The following SPPL3 variants were observed in gnomAD, a reference collection of about 807,000 sequenced individuals.
The protein encoded by SPPL3 is signal peptide peptidase-like 3.
SPPL3 carries 5 observed loss-of-function variants against 42.4 expected under a neutral mutation model. The ratio of observed to expected loss-of-function variants is 0.12; its 90% CI spans 0.06 to 0.25. The LOEUF (loss-of-function observed/expected upper bound fraction) is 0.25. Ranked by LOEUF, SPPL3 falls within the 10% of genes least tolerant of loss-of-function variation. SPPL3 has a pLI of 1.00. For missense variants in SPPL3, 235 were observed against 489.0 expected (o/e 0.48, Z 4.90); for synonymous variants, 195 against 181.8 (o/e 1.07, Z -0.58).
chr12:120,801,895 A>G lies in SPPL3; in HGVS notation c.101+8914T>C, dbSNP rs149295166. On this transcript the variant is annotated intron_variant, in intron 2 of 10. Coordinates refer to ENST00000353487, the MANE Select transcript of SPPL3 (RefSeq NM_139015.5). ...TCAACTTTAAATTGGGTGTAAGTAT[A>G]AATTCCAGTTTGGTGTTTTGGTCAC... Among the ~76,000 whole-genome samples, 759 of 152,322 alleles carry G rather than the reference A, an allele frequency of 5.0e-3. 7 individuals are homozygous for G. The highest frequency in any genetic ancestry group is 0.017 in the African/African-American group (708 of 41,578).
chr12:120,819,518 T>G (rs972140948), intron 1 of SPPL3, among the ~76,000 whole-genome samples: 5 of 152,206 alleles, frequency 3.3e-5, no homozygotes, highest in African/African-American at 1.2e-4. Flanking sequence ...TCCCTTTAAG[T>G]GACAGGCTCA....
At chr12:120,766,231 T>C in intron 10 of SPPL3, 32 bp downstream of exon 10, 1 of 1,525,850 alleles carries the variant, frequency 6.6e-7, no homozygotes, top group Non-Finnish European at 8.9e-7. Context: ...TCCAAGTTAT[T>C]GCTTTCACAG....
chr12:120,807,872 C>T (rs941539105), intron 2 of SPPL3, among the ~76,000 whole-genome samples: 3 of 151,930 alleles, frequency 2.0e-5, no homozygotes, highest in Admixed American at 2.0e-4. Flanking sequence ...GAAAAAACAC[C>T]AACTTATTCA....
intron 1 of SPPL3, chr12:120,845,328 C>T (rs563917059): frequency 2.8e-6 from 1 of 351,978 alleles, no homozygotes; most frequent in South Asian, 2.8e-5. Context: ...CGGCCAGCAT[C>T]CTCATGAACT....
intron 2 of SPPL3, among the ~76,000 whole-genome samples, chr12:120,808,240 G>A (rs1219860033): frequency 6.6e-6 from 1 of 151,940 alleles, no homozygotes; most frequent in Non-Finnish European, 1.5e-5. Context: ...GCCATGCCCA[G>A]CTAATTTTTG....
At chr12:120,862,483 CTT>C (rs964481419) in intron 1 of SPPL3, among the ~76,000 whole-genome samples, 1 of 152,200 alleles carries the variant, frequency 6.6e-6, no homozygotes, top group Non-Finnish European at 1.5e-5. Flanking sequence ...TCCACAATCC[CTT>C]TCTCAGGTTT....
chr12:120,799,304 T>C (rs1474013120), intron 2 of SPPL3, among the ~76,000 whole-genome samples: 1 of 152,218 alleles, frequency 6.6e-6, no homozygotes, highest in East Asian at 1.9e-4. Context: ...TACTGAATAC[T>C]GTACTGAGAG....
chr12:120,871,495 GT>G (rs1263882536), intron 1 of SPPL3, among the ~76,000 whole-genome samples: 2 of 152,148 alleles, frequency 1.3e-5, no homozygotes, highest in Non-Finnish European at 2.9e-5. Flanking sequence ...GCTCACAGCT[GT>G]AATTCCAGCA....
At chr12:120,862,437 C>T (rs1266365681) in intron 1 of SPPL3, among the ~76,000 whole-genome samples, 1 of 152,174 alleles carries the variant, frequency 6.6e-6, no homozygotes, top group African/African-American at 2.4e-5. Context: ...CCAGGTCACC[C>T]GTACTTCTGA....
At chr12:120,849,672 C>G (rs1330806712) in intron 1 of SPPL3, among the ~76,000 whole-genome samples, 1 of 152,182 alleles carries the variant, frequency 6.6e-6, no homozygotes, top group Non-Finnish European at 1.5e-5. Flanking sequence ...TGCTAGTTAG[C>G]TATGAGGAAG....
At position 120,791,554 on chromosome 12, in the gene SPPL3, G is replaced by A. The variant is rs1208875362; in HGVS notation, c.105C>T (p.Ser35=). 6.3e-7 allele frequency: 1 copy of A among 1,592,832 alleles called. No individual in the cohort carries two copies. Among genetic ancestry groups the A allele is most frequent in the East Asian group, 2.2e-5 (1 of 44,616 alleles). Residue 35 remains serine (S), a synonymous_variant, in exon 3 of 11, where the codon TCC becomes TCT. Transcript: ENST00000353487. ...ILLIVYGSFR[S]LNMDFENQDK... ...CTTGATTTTCAAAGTCCATATTAAG[G>A]GACCTGTGGAAAAAAATTTTGTAGT...
At chr12:120,903,554 C>A in intron 1 of SPPL3, 1 of 411,452 alleles carries the variant, frequency 2.4e-6, no homozygotes, top group African/African-American at 2.1e-5. Flanking sequence ...GGGATTCCCA[C>A]CCCCGGGGTC....
chr12:120,880,756 T>C (rs1340780669), intron 1 of SPPL3, among the ~76,000 whole-genome samples: 2 of 150,812 alleles, frequency 1.3e-5, no homozygotes, highest in Admixed American at 1.3e-4. Flanking sequence ...CACTGCACTC[T>C]AGCCTGGGCG....
intron 1 of SPPL3, among the ~76,000 whole-genome samples, chr12:120,886,592 C>G (rs183415109): frequency 1.3e-5 from 2 of 152,286 alleles, no homozygotes; most frequent in Non-Finnish European, 2.9e-5. Context: ...AGGAGGGAGG[C>G]AATTTTCTTC....
intron 2 of SPPL3, among the ~76,000 whole-genome samples, chr12:120,804,725 C>T (rs749091037): frequency 6.6e-6 from 1 of 152,014 alleles, no homozygotes; most frequent in Non-Finnish European, 1.5e-5. Flanking sequence ...ACCATTAGAC[C>T]CAGCAATTCT....
chr12:120,767,732 TAGTTTTA>T, intron 8 of SPPL3, 139 bp from the exon 9 acceptor site: 1 of 882,518 alleles, frequency 1.1e-6, no homozygotes, highest in South Asian at 1.7e-5. Flanking sequence ...GATGGAACAT[TAGTTTTA>T]AGAGTGTAGA....
chr12:120,848,039 T>TC (rs1872101204), intron 1 of SPPL3, among the ~76,000 whole-genome samples: 1 of 152,194 alleles, frequency 6.6e-6, no homozygotes, highest in African/African-American at 2.4e-5. Context: ...CTAGTCTTGT[T>TC]CATCACACTG....
At chr12:120,857,902 A>T (rs1189190482) in intron 1 of SPPL3, among the ~76,000 whole-genome samples, 1 of 152,206 alleles carries the variant, frequency 6.6e-6, no homozygotes, top group Non-Finnish European at 1.5e-5. Context: ...CAGGTGCAGC[A>T]AACTACCATG....
intron 1 of SPPL3, among the ~76,000 whole-genome samples, chr12:120,893,154 TA>T (rs959589098): frequency 6.7e-6 from 1 of 149,400 alleles, no homozygotes; most frequent in South Asian, 2.1e-4. Flanking sequence ...GAAACTACAG[TA>T]AAAAAAAATA....
Sources: gnomAD v4.1 joint callset for allele counts (sites outside exome capture counted in the v4.1 genomes callset) on GRCh38, gnomAD v4.1.1 for gene constraint, MANE v1.5 for transcripts, NCBI Gene and HGNC (gene_info 2026-07-23, HGNC 2026-07-21) for gene names.